The following RERE variants were observed in gnomAD, a reference collection of about 807,000 sequenced individuals.
RERE encodes arginine-glutamic acid dipeptide repeats protein.
Under a neutral mutation model 146.1 loss-of-function variants are expected in RERE, and 40 were observed. That is an observed-to-expected ratio of 0.27 (90% CI 0.21 to 0.36). The LOEUF (loss-of-function observed/expected upper bound fraction) is 0.36. RERE is among the 10% of genes least tolerant of loss of function. The pLI, the probability that RERE is intolerant of heterozygous loss-of-function variation, is 1.00. For missense variants in RERE, 1,933 were observed against 2,138.7 expected (o/e 0.90, Z 1.90); for synonymous variants, 1,003 against 866.0 (o/e 1.16, Z -2.78).
chr1:8,721,408 T>C (rs937950567), intron 1 of RERE, among the ~76,000 whole-genome samples: 1 of 152,038 alleles, frequency 6.6e-6, no homozygotes, highest in Admixed American at 6.5e-5. Flanking sequence ...GTCTCCTAGG[T>C]TCAAGCAGTT....
chr1:8,512,372 T>C (rs1175327487), intron 7 of RERE, among the ~76,000 whole-genome samples: 1 of 151,664 alleles, frequency 6.6e-6, no homozygotes, highest in East Asian at 1.9e-4. Flanking sequence ...CTTGATGCAA[T>C]GACTACATTT....
At chr1:8,379,112 T>C (rs1642357928) in intron 12 of RERE, among the ~76,000 whole-genome samples, 1 of 152,006 alleles carries the variant, frequency 6.6e-6, no homozygotes, top group Admixed American at 6.5e-5. Flanking sequence ...ATGCTGTGGA[T>C]CTAAAGACAG....
intron 12 of RERE, among the ~76,000 whole-genome samples, chr1:8,376,236 T>C (rs946731857): frequency 6.6e-6 from 1 of 152,188 alleles, no homozygotes; most frequent in Non-Finnish European, 1.5e-5. Context: ...TTCAACGCAA[T>C]AGCATCTTAA....
chr1:8,609,886 A>G (rs1427775749), intron 4 of RERE, among the ~76,000 whole-genome samples: 3 of 152,144 alleles, frequency 2.0e-5, no homozygotes, highest in Non-Finnish European at 4.4e-5. Context: ...CTCCCACCTC[A>G]GCCTCCTGAG....
chr1:8,538,509 T>C (rs758752543), intron 7 of RERE, among the ~76,000 whole-genome samples: 11 of 152,196 alleles, frequency 7.2e-5, no homozygotes, highest in Non-Finnish European at 1.2e-4. Flanking sequence ...GTGGGAACTA[T>C]AGCCCTAACC....
intron 8 of RERE, among the ~76,000 whole-genome samples, chr1:8,505,486 C>A (rs1557663593): frequency 2.0e-5 from 3 of 152,108 alleles, no homozygotes. Flanking sequence ...AAGGACTTTA[C>A]TGTATTATTC....
chr1:8,374,510 G>A (rs1219805803), intron 12 of RERE, among the ~76,000 whole-genome samples: 2 of 152,154 alleles, frequency 1.3e-5, no homozygotes, highest in Non-Finnish European at 2.9e-5. Context: ...TCAGCCATTT[G>A]CTAATCCCAC....
chr1:8,438,284 C>T (rs1644198523), intron 11 of RERE, among the ~76,000 whole-genome samples: 4 of 152,094 alleles, frequency 2.6e-5, no homozygotes, highest in African/African-American at 9.7e-5. Context: ...GCCACTGTGC[C>T]CAGCCAGATC....
At chr1:8,362,324 T>C (rs138679011) in intron 16 of RERE, among the ~76,000 whole-genome samples, 4 of 152,228 alleles carry the variant, frequency 2.6e-5, no homozygotes, top group Non-Finnish European at 5.9e-5. Context: ...ATATGAGATT[T>C]GAGCACCTGT....
chr1:8,374,360 T>C (rs952757358), intron 12 of RERE, among the ~76,000 whole-genome samples: 4 of 147,846 alleles, frequency 2.7e-5, no homozygotes, highest in African/African-American at 9.8e-5. Context: ...AAAAAATCAG[T>C]TAAAAAAAAT....
chr1:8,806,948 T>C (rs1641704029), intron 1 of RERE: 1 of 152,242 alleles, frequency 6.6e-6, no homozygotes, highest in Admixed American at 6.5e-5. Flanking sequence ...CTTACCAAAA[T>C]GCCATAGCAG....
chr1:8,373,360 T>A (rs1459365709), intron 12 of RERE, among the ~76,000 whole-genome samples: 3 of 152,208 alleles, frequency 2.0e-5, no homozygotes, highest in African/African-American at 7.2e-5. Context: ...ACAGTGAGCA[T>A]CTGGCTCCTT....
intron 1 of RERE, among the ~76,000 whole-genome samples, chr1:8,675,547 A>G (rs1211031192): frequency 6.6e-6 from 1 of 150,750 alleles, no homozygotes; most frequent in African/African-American, 2.4e-5. Context: ...GGTGGCAAGC[A>G]CCTGTGGTTC....
chr1:8,788,434 G>A (rs1447603160), intron 1 of RERE, among the ~76,000 whole-genome samples: 3 of 147,594 alleles, frequency 2.0e-5, no homozygotes, highest in African/African-American at 5.0e-5. Flanking sequence ...GCGCGATCTC[G>A]GCTCACTGCA....
chr1:8,795,982 C>CAAAAAAAA (rs556814425), intron 1 of RERE, among the ~76,000 whole-genome samples: 4 of 29,988 alleles, frequency 1.3e-4, no homozygotes, highest in Admixed American at 3.8e-4. Context: ...AACTCCGTCT[C>CAAAAAAAA]AAAAAAAAAA....
intron 12 of RERE, among the ~76,000 whole-genome samples, chr1:8,399,606 G>C (rs1643177460): frequency 6.6e-6 from 1 of 151,716 alleles, no homozygotes; most frequent in African/African-American, 2.4e-5. Context: ...GCTATTCTTG[G>C]ACCTTTATTC....
chr1:8,747,329 G>A (rs1031302195), intron 1 of RERE, among the ~76,000 whole-genome samples: 4 of 152,070 alleles, frequency 2.6e-5, no homozygotes, highest in Non-Finnish European at 5.9e-5. Flanking sequence ...GGATCCTTAG[G>A]CTTGCTGTGT....
At chr1:8,627,339 G>T (rs552100450) in intron 2 of RERE, among the ~76,000 whole-genome samples, 1 of 151,626 alleles carries the variant, frequency 6.6e-6, no homozygotes, top group Admixed American at 6.6e-5. Flanking sequence ...TAGTGTGGGG[G>T]TTAAAAAAAA....
intron 1 of RERE, among the ~76,000 whole-genome samples, chr1:8,816,000 A>G (rs190886707): frequency 6.6e-6 from 1 of 152,286 alleles, no homozygotes; most frequent in East Asian, 1.9e-4. Context: ...TTAACTCAGC[A>G]AGCAAATCCA....
Sources: allele counts gnomAD v4.1 joint callset (sites outside exome capture counted in the v4.1 genomes callset), GRCh38; gene constraint gnomAD v4.1.1; transcripts MANE v1.5; gene names NCBI Gene and HGNC (gene_info 2026-07-23, HGNC 2026-07-21).